The following LRRIQ1 variants were observed in gnomAD, a reference collection of about 807,000 sequenced individuals.
The protein encoded by LRRIQ1 is leucine rich repeats and IQ motif containing 1, also known as leucine-rich repeat- and IQ domain-containing protein 1.
Under a neutral mutation model 211.9 loss-of-function variants are expected in LRRIQ1, and 210 were observed. The ratio of observed to expected loss-of-function variants is 0.99; its 90% CI spans 0.89 to 1.11. The LOEUF is 1.11. Ranked by LOEUF, LRRIQ1 falls within the 50% of genes most tolerant of loss-of-function variation. The pLI, the probability that LRRIQ1 is intolerant of heterozygous loss-of-function variation, is 0.00. For missense variants in LRRIQ1, 2,136 were observed against 1,939.5 expected (o/e 1.10, Z -1.90); for synonymous variants, 699 against 650.1 (o/e 1.08, Z -1.14).
chr12:85,265,779 T>C (rs969624142), downstream of LRRIQ1, among the ~76,000 whole-genome samples: 15 of 149,402 alleles, frequency 1.0e-4, no homozygotes, highest in Admixed American at 4.0e-4. Flanking sequence ...TTCTTTTTAA[T>C]TTTTTCAATG....
At chr12:85,180,284 C>T (rs1432041135) in intron 24 of LRRIQ1, among the ~76,000 whole-genome samples, 1 of 151,890 alleles carries the variant, frequency 6.6e-6, no homozygotes, top group Non-Finnish European at 1.5e-5. Context: ...GGTTTCATAG[C>T]TTCTGAAACA....
chr12:85,146,436 G>A (rs776696483), intron 19 of LRRIQ1, among the ~76,000 whole-genome samples: 3 of 151,744 alleles, frequency 2.0e-5, no homozygotes, highest in Non-Finnish European at 4.4e-5. Context: ...ATGAAATTCT[G>A]TTCAGAGCCC....
At chr12:85,091,085 C>CA (rs948179637) in intron 11 of LRRIQ1, among the ~76,000 whole-genome samples, 51 of 152,030 alleles carry the variant, frequency 3.4e-4, no homozygotes, top group Non-Finnish European at 6.0e-4. Context: ...TCACTTGCTT[C>CA]TTTTTTTTAC....
intron 24 of LRRIQ1, among the ~76,000 whole-genome samples, chr12:85,167,465 C>G (rs901067956): frequency 1.3e-5 from 2 of 151,400 alleles, no homozygotes; most frequent in African/African-American, 2.5e-5. Context: ...GTGCCTCTTG[C>G]AAACTGCTGG....
chr12:85,037,841 A>G (rs1878346385), intron 1 of LRRIQ1, among the ~76,000 whole-genome samples: 1 of 152,064 alleles, frequency 6.6e-6, no homozygotes, highest in African/African-American at 2.4e-5. Context: ...ATGCATACAT[A>G]CCTACATTTA....
chr12:85,191,046 A>C (rs1400927563), intron 24 of LRRIQ1, among the ~76,000 whole-genome samples: 2 of 151,984 alleles, frequency 1.3e-5, no homozygotes, highest in African/African-American at 4.8e-5. Context: ...ATTTTAGTAT[A>C]GTTTATGTCC....
In LRRIQ1 at chr12:85,127,837, C is replaced by T. The variant is rs1438206591; in HGVS notation, c.4013C>T (p.Ala1338Val). 2 of 1,613,380 alleles carry T rather than the reference C, an allele frequency of 1.2e-6. No individual in the cohort carries two copies. The highest frequency in any genetic ancestry group is 1.7e-6 in the Non-Finnish European group (2 of 1,179,734). ...TTTTTTTCTCCTCTTAATAGTATGG[C>T]AGCTGTGGTAATCCAGTCATACTGG... ...QNIEPSEKIM[A>V]AVVIQSYWRG... The change falls in exon 18 of 27, where the codon GCA (alanine) becomes GTA (valine). Residue 1338 changes from alanine to valine, a missense_variant. Physicochemically the swap from Ala to Val is moderately conservative, Grantham distance 64 (BLOSUM62 0). Transcript: ENST00000393217.
chr12:85,245,354 T>C (rs781291002), downstream of LRRIQ1, among the ~76,000 whole-genome samples: 316 of 151,368 alleles, frequency 2.1e-3, 1 homozygote, highest in Non-Finnish European at 3.8e-3. Context: ...AATATTATAC[T>C]ATCAGAAAGC....
intron 1 of LRRIQ1, among the ~76,000 whole-genome samples, chr12:85,258,451 G>T (rs536713080): frequency 6.6e-6 from 1 of 151,792 alleles, no homozygotes; most frequent in African/African-American, 2.4e-5. Context: ...ACAATATTAC[G>T]TTGAGGAAAT....
chr12:85,044,022 T>C (rs1387261669), intron 3 of LRRIQ1, among the ~76,000 whole-genome samples: 1 of 152,166 alleles, frequency 6.6e-6, no homozygotes. Context: ...TGTCATTTTT[T>C]TCTTTTTGAC....
intron 9 of LRRIQ1, among the ~76,000 whole-genome samples, 177 bp from the exon 10 acceptor site, chr12:85,066,571 T>C (rs1221670804): frequency 6.6e-6 from 1 of 151,568 alleles, no homozygotes; most frequent in African/African-American, 2.4e-5. Flanking sequence ...TATTTATTAG[T>C]TTACCTAATA....
chr12:85,045,917 A>G, intron 4 of LRRIQ1, 103 bp from the exon 5 acceptor site: 1 of 513,660 alleles, frequency 1.9e-6, no homozygotes, highest in Non-Finnish European at 3.4e-6. Context: ...AGTACATTAA[A>G]ATTCTTGGTA....
At chr12:85,082,941 G>A (rs528337083) in intron 11 of LRRIQ1, among the ~76,000 whole-genome samples, 10 of 152,268 alleles carry the variant, frequency 6.6e-5, no homozygotes, top group Middle Eastern at 3.4e-3. Context: ...TTTATGGTAC[G>A]TTTCTAGTGG....
intron 19 of LRRIQ1, 111 bp downstream of exon 19, chr12:85,138,080 TTTTTCCTAACATTGAGAAAC>T (rs1474505104): frequency 6.2e-6 from 4 of 645,014 alleles, no homozygotes; most frequent in South Asian, 3.1e-5. Flanking sequence ...GTTACAGACT[TTTTTCCTAACATTGAGAAAC>T]TTTTCCTAAC....
intron 1 of LRRIQ1, among the ~76,000 whole-genome samples, chr12:85,261,595 C>T (rs976465248): frequency 2.6e-5 from 4 of 151,462 alleles, no homozygotes; most frequent in African/African-American, 4.8e-5. Context: ...GAAAGCATCA[C>T]AATGGAGAAT....
intron 11 of LRRIQ1, among the ~76,000 whole-genome samples, chr12:85,091,635 A>T (rs1092668): frequency 1.3e-5 from 2 of 152,154 alleles, no homozygotes; most frequent in Non-Finnish European, 2.9e-5. Context: ...ATAGTTTTAG[A>T]TGCTACATTT....
chr12:85,149,267 G>T (rs1890087874), intron 19 of LRRIQ1, among the ~76,000 whole-genome samples: 1 of 151,888 alleles, frequency 6.6e-6, no homozygotes, highest in Non-Finnish European at 1.5e-5. Context: ...TTTCTTCTAG[G>T]GTTTTTATGA....
intron 24 of LRRIQ1, among the ~76,000 whole-genome samples, chr12:85,205,022 T>C (rs1249411459): frequency 2.0e-5 from 3 of 152,124 alleles, no homozygotes; most frequent in Non-Finnish European, 4.4e-5. Flanking sequence ...TGTGAGATAA[T>C]TAAATCAGGG....
intron 24 of LRRIQ1, among the ~76,000 whole-genome samples, chr12:85,213,520 A>T (rs1893936955): frequency 6.6e-6 from 1 of 151,996 alleles, no homozygotes; most frequent in African/African-American, 2.4e-5. Context: ...AACATTCAAC[A>T]ATTGGAAAAT....
Sources: gnomAD v4.1 joint callset for allele counts (sites outside exome capture counted in the v4.1 genomes callset) on GRCh38, gnomAD v4.1.1 for gene constraint, MANE v1.5 for transcripts, NCBI Gene and HGNC (gene_info 2026-07-23, HGNC 2026-07-21) for gene names.